DNAJC24: variants seen among roughly 807,000 people sequenced by gnomAD.
DNAJC24 encodes dnaJ homolog subfamily C member 24.
DNAJC24 carries 17 observed loss-of-function variants against 18.0 expected under a neutral mutation model. The observed-to-expected ratio is 0.94, with a 90% CI of 0.65 to 1.42. The LOEUF is 1.42. Ranked by LOEUF, DNAJC24 falls within the 40% of genes most tolerant of loss-of-function variation. DNAJC24 has a pLI of 0.00. For missense variants in DNAJC24, 158 were observed against 175.6 expected, an observed-to-expected ratio of 0.90 and a Z score of 0.57; for synonymous variants, 55 against 57.7, an observed-to-expected ratio of 0.95 and a Z score of 0.21.
chr11:31,379,294 A>G (rs952836872), intron 2 of DNAJC24, among the ~76,000 whole-genome samples: 1 of 152,048 alleles, frequency 6.6e-6, no homozygotes, highest in African/African-American at 2.4e-5. Flanking sequence ...GCACAAACCT[A>G]TTGTGAACTG....
chr11:31,420,566 C>A (rs1952794191), intron 3 of DNAJC24, among the ~76,000 whole-genome samples: 2 of 152,056 alleles, frequency 1.3e-5, no homozygotes, highest in South Asian at 4.1e-4. Flanking sequence ...GATAGCTCAA[C>A]ACAAACAGTG....
chr11:31,399,633 C>T (rs1451025476), intron 2 of DNAJC24, among the ~76,000 whole-genome samples: 2 of 150,760 alleles, frequency 1.3e-5, no homozygotes, highest in African/African-American at 2.4e-5. Context: ...AGGCTGGCCT[C>T]GAACCCCTGA....
chr11:31,394,521 G>T (rs1952527100), intron 2 of DNAJC24, among the ~76,000 whole-genome samples: 1 of 149,080 alleles, frequency 6.7e-6, no homozygotes, highest in Non-Finnish European at 1.5e-5. Flanking sequence ...CCACCACACT[G>T]TTTTTTTTTC....
intron 3 of DNAJC24, among the ~76,000 whole-genome samples, chr11:31,423,784 C>T (rs1037594228): frequency 6.6e-6 from 1 of 152,134 alleles, no homozygotes; most frequent in Admixed American, 6.6e-5. Context: ...GTTTAGACAG[C>T]CACAGAATAT....
chr11:31,397,587 C>A (rs1952554929), intron 2 of DNAJC24, among the ~76,000 whole-genome samples: 1 of 151,380 alleles, frequency 6.6e-6, no homozygotes, highest in Non-Finnish European at 1.5e-5. Flanking sequence ...ATGTTTTAAG[C>A]AAGTGAGCAT....
chr11:31,371,667 A>G lies in DNAJC24; in HGVS notation c.111+808A>G, dbSNP rs138433070. 4.4e-3 allele frequency among the ~76,000 whole-genome samples: 668 copies of G among 152,098 alleles called. 4 individuals carry two copies. Among genetic ancestry groups the G allele is most frequent in the African/African-American group, 0.015 (638 of 41,516 alleles). On this transcript the variant is annotated intron_variant, in intron 2 of 4. Coordinates refer to ENST00000465995, the MANE Select transcript of DNAJC24 (RefSeq NM_181706.5). ...CTATTTTGTGTTTTATATACATAATATGCATGCATGTATTTGCACATATCA... is the reference window on the plus strand; with the variant it reads ...CTATTTTGTGTTTTATATACATAATGTGCATGCATGTATTTGCACATATCA...
chr11:31,402,123 A>G (rs1160918547), intron 2 of DNAJC24, among the ~76,000 whole-genome samples: 1 of 152,200 alleles, frequency 6.6e-6, no homozygotes, highest in Non-Finnish European at 1.5e-5. Flanking sequence ...GTAGCCTACT[A>G]CACATTGGGC....
At chr11:31,408,127 C>T (rs928612266) in intron 2 of DNAJC24, 8 of 455,896 alleles carry the variant, frequency 1.8e-5, no homozygotes, top group African/African-American at 1.2e-4. Context: ...GATTTTTTCC[C>T]CCTCTTTTTG....
At chr11:31,408,689 T>G (rs1952677938) in intron 2 of DNAJC24, among the ~76,000 whole-genome samples, 1 of 152,210 alleles carries the variant, frequency 6.6e-6, no homozygotes, top group Admixed American at 6.5e-5. Flanking sequence ...CCTTTATTTT[T>G]GTATCAAGAA....
At chr11:31,426,058 C>A in intron 3 of DNAJC24, among the ~76,000 whole-genome samples, 1 of 152,186 alleles carries the variant, frequency 6.6e-6, no homozygotes, top group South Asian at 2.1e-4. Flanking sequence ...TTGTGAAAAA[C>A]GGGATTGATT....
chr11:31,385,666 G>A (rs1952421868), intron 2 of DNAJC24, among the ~76,000 whole-genome samples: 1 of 152,110 alleles, frequency 6.6e-6, no homozygotes, highest in African/African-American at 2.4e-5. Context: ...TTTCTTGAGT[G>A]TTCTTTTTTT....
chr11:31,377,526 T>A (rs1258549235), intron 2 of DNAJC24, among the ~76,000 whole-genome samples: 12 of 152,128 alleles, frequency 7.9e-5, no homozygotes, highest in African/African-American at 2.7e-4. Context: ...GTTTTATTAA[T>A]AGGGACTTTA....
chr11:31,427,473 A>AT (rs1952873562), intron 4 of DNAJC24: 1 of 151,958 alleles, frequency 6.6e-6, no homozygotes, highest in Non-Finnish European at 1.5e-5. Context: ...AGTGATACAG[A>AT]TTTTCACTGC....
chr11:31,406,920 G>A (rs190903455), intron 2 of DNAJC24, among the ~76,000 whole-genome samples: 105 of 152,278 alleles, frequency 6.9e-4, no homozygotes, highest in Non-Finnish European at 1.3e-3. Context: ...TTTATTGAGC[G>A]TGGAGTTATT....
At chr11:31,408,995 A>G (rs756312634) in intron 2 of DNAJC24, among the ~76,000 whole-genome samples, 7 of 152,170 alleles carry the variant, frequency 4.6e-5, no homozygotes, top group East Asian at 1.9e-4. Context: ...TTGGCTTTCT[A>G]CTCAACAATG....
intron 2 of DNAJC24, among the ~76,000 whole-genome samples, chr11:31,376,279 C>T (rs188908919): frequency 5.4e-4 from 82 of 152,234 alleles, no homozygotes; most frequent in African/African-American, 1.9e-3. Flanking sequence ...TGCTCAGTCC[C>T]GGGTATATCT....
At chr11:31,424,168 T>C (rs1564958713) in intron 3 of DNAJC24, among the ~76,000 whole-genome samples, 1 of 152,192 alleles carries the variant, frequency 6.6e-6, no homozygotes, top group Non-Finnish European at 1.5e-5. Context: ...ACAATTAGTA[T>C]ATTACAGGTG....
intron 2 of DNAJC24, among the ~76,000 whole-genome samples, chr11:31,397,483 T>A (rs1473210696): frequency 6.6e-6 from 1 of 152,084 alleles, no homozygotes; most frequent in Non-Finnish European, 1.5e-5. Flanking sequence ...TGTGATTTTT[T>A]TTTTTTTTTT....
At chr11:31,419,379 A>G (rs1011682633) in intron 3 of DNAJC24, among the ~76,000 whole-genome samples, 1 of 152,086 alleles carries the variant, frequency 6.6e-6, no homozygotes, top group African/African-American at 2.4e-5. Context: ...AAGACAGTAT[A>G]GATAAAACTT....
Sources: allele counts gnomAD v4.1 joint callset (sites outside exome capture counted in the v4.1 genomes callset), GRCh38; gene constraint gnomAD v4.1.1; transcripts MANE v1.5; gene names NCBI Gene and HGNC (gene_info 2026-07-23, HGNC 2026-07-21).